Variants in SUPT3H observed in about 807,000 individuals in gnomAD.
SUPT3H encodes the protein SPT3 homolog, SAGA and STAGA complex component.
In SUPT3H, 44 loss-of-function variants were observed where a neutral mutation model predicts 44.3. The observed-to-expected ratio is 0.99, with a 90% CI of 0.78 to 1.28. The LOEUF is 1.28. Ranked by LOEUF, SUPT3H falls within the 50% of genes most tolerant of loss-of-function variation. The pLI, the probability that SUPT3H is intolerant of heterozygous loss-of-function variation, is 0.00. For synonymous variants in SUPT3H, 124 were observed against 125.6 expected (o/e 0.99, Z 0.09); for missense variants, 380 against 387.1 (o/e 0.98, Z 0.15).
chr6:45,271,136 G>C (rs1776071386), intron 2 of SUPT3H, among the ~76,000 whole-genome samples: 1 of 152,218 alleles, frequency 6.6e-6, no homozygotes, highest in African/African-American at 2.4e-5. Flanking sequence ...TTTGGAAAAT[G>C]TGCAGCCTGA....
intron 2 of SUPT3H, among the ~76,000 whole-genome samples, chr6:45,285,680 A>G (rs1367019800): frequency 6.6e-6 from 1 of 152,210 alleles, no homozygotes; most frequent in Non-Finnish European, 1.5e-5. Context: ...AAGATAATTT[A>G]TAGATTCAAT....
intron 6 of SUPT3H, among the ~76,000 whole-genome samples, chr6:44,974,306 G>C (rs1237755107): frequency 6.7e-6 from 1 of 149,798 alleles, no homozygotes; most frequent in Non-Finnish European, 1.5e-5. Flanking sequence ...TGTATAATGT[G>C]TGTGTATAAA....
intron 2 of SUPT3H, among the ~76,000 whole-genome samples, chr6:45,217,750 C>T (rs779416741): frequency 3.3e-5 from 5 of 151,644 alleles, no homozygotes; most frequent in East Asian, 2.0e-4. Context: ...ATTAGCCAGG[C>T]GTGGTGACGT....
Position 45,053,979 on chromosome 6 carries a change from T to C in SUPT3H, c.187-33347A>G, listed in dbSNP as rs1790731586. Among the ~76,000 whole-genome samples the C allele has an allele frequency of 3.5e-5, 5 of 143,712 alleles. No individual in the cohort carries two copies. The South Asian group carries it at 1.1e-3, about 32-fold the overall frequency. The allele number at this position is 143,712 out of a possible 152,430, so 94.3% of individuals were successfully genotyped here. ...CCCTTCTCCCCTGAAGACCATCAGG[T>C]GACAGGTGAGCTCGCCTATACCCAG... On this transcript the variant is annotated intron_variant, in intron 3 of 10. Coordinates refer to ENST00000371459, the MANE Select transcript of SUPT3H (RefSeq NM_003599.4).
intron 6 of SUPT3H, among the ~76,000 whole-genome samples, chr6:44,996,327 C>T (rs778575834): frequency 4.0e-5 from 6 of 151,584 alleles, no homozygotes; most frequent in Non-Finnish European, 5.9e-5. Flanking sequence ...TTTTCATATC[C>T]TTTGCCAATT....
intron 2 of SUPT3H, among the ~76,000 whole-genome samples, chr6:45,286,602 G>C (rs1012650348): frequency 6.6e-6 from 1 of 152,182 alleles, no homozygotes; most frequent in African/African-American, 2.4e-5. Context: ...ACAGGTGCTG[G>C]AGAGGATGTG....
rs553420469 is a variant in SUPT3H at position 44,974,016 on chromosome 6, T to A, written c.505-12188A>T. Among the ~76,000 whole-genome samples the A allele has an allele frequency of 3.9e-5, 6 of 152,282 alleles. No homozygotes were observed. In the East Asian group the frequency reaches 1.2e-3, roughly 29 times the overall value. ...CACAGCCAAACTGTATCAATTGCTA[T>A]AACAGACTCCTAATGAGTCTTCCTG... is the stretch of plus-strand genomic sequence containing the variant. On this transcript the variant is annotated intron_variant, in intron 6 of 10. Coordinates refer to ENST00000371459, the MANE Select transcript of SUPT3H (RefSeq NM_003599.4).
intron 2 of SUPT3H, among the ~76,000 whole-genome samples, chr6:45,295,501 T>C (rs1316266992): frequency 1.5e-5 from 1 of 65,260 alleles, no homozygotes; most frequent in African/African-American, 5.7e-5. Context: ...GGGACTTAAT[T>C]AAACGAAAGA....
At chr6:44,960,124 T>G (rs1775795571) in intron 7 of SUPT3H, among the ~76,000 whole-genome samples, 1 of 152,090 alleles carries the variant, frequency 6.6e-6, no homozygotes, top group African/African-American at 2.4e-5. Context: ...AAAATATTAT[T>G]TTTTAATCTA....
intron 2 of SUPT3H, among the ~76,000 whole-genome samples, chr6:45,262,604 G>A (rs1774561370): frequency 6.6e-6 from 1 of 152,044 alleles, no homozygotes; most frequent in South Asian, 2.1e-4. Flanking sequence ...CCTTAGCACA[G>A]TTTATGGCCA....
chr6:45,359,702 A>T (rs1310225119), intron 2 of SUPT3H, among the ~76,000 whole-genome samples: 1 of 152,190 alleles, frequency 6.6e-6, no homozygotes, highest in African/African-American at 2.4e-5. Context: ...CCTTGCTGAA[A>T]AAGATCTGTT....
At chr6:45,084,033 A>G (rs1370984734) in intron 3 of SUPT3H, among the ~76,000 whole-genome samples, 2 of 152,216 alleles carry the variant, frequency 1.3e-5, no homozygotes, top group Non-Finnish European at 2.9e-5. Context: ...CTCAAACTGT[A>G]AGAATCCTAG....
intron 10 of SUPT3H, among the ~76,000 whole-genome samples, chr6:44,850,745 CATCTATCTATCTATCTATCT>C (rs56936002): frequency 6.8e-6 from 1 of 147,438 alleles, no homozygotes; most frequent in Non-Finnish European, 1.5e-5. Flanking sequence ...GTTTTATATA[CATCTATCTATCTATCTATCT>C]ATCTATCTAT....
chr6:45,140,828 G>A (rs1185374769), intron 2 of SUPT3H, among the ~76,000 whole-genome samples: 2 of 152,138 alleles, frequency 1.3e-5, no homozygotes, highest in African/African-American at 4.8e-5. Context: ...CTGACTCTCA[G>A]GAAGCCCCAT....
chr6:45,252,380 A>T (rs1772524550), intron 2 of SUPT3H, among the ~76,000 whole-genome samples: 1 of 152,208 alleles, frequency 6.6e-6, no homozygotes, highest in Non-Finnish European at 1.5e-5. Context: ...ATGCTGTGAA[A>T]CCAATATTAT....
chr6:45,242,240 C>A (rs1423216036), intron 2 of SUPT3H, among the ~76,000 whole-genome samples: 2 of 152,188 alleles, frequency 1.3e-5, no homozygotes. Flanking sequence ...TAGGTACTTT[C>A]TAAACAGAAT....
chr6:45,322,741 G>T (rs556975573), intron 2 of SUPT3H: 1 of 633,240 alleles, frequency 1.6e-6, no homozygotes, highest in South Asian at 2.1e-5. Flanking sequence ...GTCAAGACAT[G>T]TATTCCTAAA....
chr6:44,896,381 C>T (rs1764137601), intron 10 of SUPT3H, among the ~76,000 whole-genome samples: 1 of 152,096 alleles, frequency 6.6e-6, no homozygotes, highest in Admixed American at 6.6e-5. Flanking sequence ...TATTTTAATT[C>T]ATTGAATTCT....
rs115678023 is a variant in SUPT3H, at chr6:44,942,060, C to T, written c.802-9297G>A. On this transcript the variant is annotated intron_variant, in intron 9 of 10. Transcript: ENST00000371459. ...ATAACTCCAATTTAATAGTTTTCAA[C>T]AGGATCGGGAAGAAATGTTTAAATA... 2.2e-3 allele frequency among the ~76,000 whole-genome samples: 333 copies of T among 152,050 alleles called. 1 individual carries two copies. The highest frequency in any genetic ancestry group is 7.5e-3 in the African/African-American group (311 of 41,510).
Sources: gnomAD v4.1 joint callset for allele counts (sites outside exome capture counted in the v4.1 genomes callset) on GRCh38, gnomAD v4.1.1 for gene constraint, MANE v1.5 for transcripts, NCBI Gene and HGNC (gene_info 2026-07-23, HGNC 2026-07-21) for gene names.